The following RPN2 variants were observed in gnomAD, a reference collection of about 807,000 sequenced individuals.
The protein encoded by RPN2 is dolichyl-diphosphooligosaccharide--protein glycosyltransferase subunit 2.
In RPN2, 29 loss-of-function variants were observed where a neutral mutation model predicts 71.4. The ratio of observed to expected loss-of-function variants is 0.41; its 90% CI spans 0.30 to 0.55. The LOEUF (loss-of-function observed/expected upper bound fraction) is 0.55. Ranked by LOEUF, RPN2 falls within the 20% of genes least tolerant of loss-of-function variation. The probability of loss-of-function intolerance (pLI) is 0.35; values close to 1 mark genes in which losing one functional copy is unlikely to be tolerated. For synonymous variants in RPN2, 308 were observed against 305.0 expected (o/e 1.01, Z -0.10); for missense variants, 726 against 774.1 (o/e 0.94, Z 0.74).
intron 16 of RPN2, among the ~76,000 whole-genome samples, chr20:37,240,211 T>C (rs537655044): frequency 6.6e-6 from 1 of 152,194 alleles, no homozygotes; most frequent in Non-Finnish European, 1.5e-5. Flanking sequence ...GGGCAGACAT[T>C]GATTTGAGCA....
At chr20:37,214,376 C>T (rs1000437805) in intron 9 of RPN2, among the ~76,000 whole-genome samples, 8 of 152,156 alleles carry the variant, frequency 5.3e-5, no homozygotes, top group Non-Finnish European at 1.2e-4. Flanking sequence ...GGTTGAAGAT[C>T]GAAGTAGCTT....
At chr20:37,197,895 T>G (rs1236262198) in intron 2 of RPN2, among the ~76,000 whole-genome samples, 1 of 152,228 alleles carries the variant, frequency 6.6e-6, no homozygotes, top group Non-Finnish European at 1.5e-5. Flanking sequence ...CACCCAGCGT[T>G]AAGCTCATTT....
chr20:37,190,229 C>G (rs1329324700), intron 2 of RPN2, among the ~76,000 whole-genome samples: 1 of 152,128 alleles, frequency 6.6e-6, no homozygotes, highest in Non-Finnish European at 1.5e-5. Flanking sequence ...AACACATACC[C>G]CCAAAGCTAT....
intron 2 of RPN2, among the ~76,000 whole-genome samples, chr20:37,190,082 C>A (rs944555814): frequency 6.6e-6 from 1 of 152,100 alleles, no homozygotes; most frequent in Non-Finnish European, 1.5e-5. Context: ...AAAAGTTTCT[C>A]CTGAAGGTTT....
intron 2 of RPN2, among the ~76,000 whole-genome samples, chr20:37,188,367 A>G (rs192296481): frequency 6.6e-6 from 1 of 151,914 alleles, no homozygotes; most frequent in Non-Finnish European, 1.5e-5. Context: ...GTTGGCCAGG[A>G]TAGTCTCCAT....
intron 2 of RPN2, among the ~76,000 whole-genome samples, chr20:37,187,728 C>T (rs1490844231): frequency 6.6e-6 from 1 of 151,964 alleles, no homozygotes; most frequent in African/African-American, 2.4e-5. Context: ...GTGACCTCTG[C>T]CTCCCGGGTT....
Position 37,179,368 on chromosome 20 carries a change from G to A in RPN2, c.12G>A (p.Pro4=), listed in dbSNP as rs971972758. The A allele has an allele frequency of 9.2e-6, 3 of 324,502 alleles. No homozygotes were observed. Among genetic ancestry groups the A allele is most frequent in the East Asian group, 7.9e-5 (1 of 12,606 alleles). The allele number at this position is 324,502 out of a possible 1,614,324, so 20.1% of individuals were successfully genotyped here. A position where few individuals can be genotyped will look rare whatever the true frequency, so the allele number is the denominator to read the frequency against. The stretch of plus-strand genomic sequence containing the variant: ...ACCTGCTCGGAGGAATGGCGCCGCC[G>A]GGTGAGGAGTTGCGCGTGGCTTTGG... The part of the protein sequence containing the change: MAP[P]GSSTVFLLAL... Residue 4 remains proline (P), a splice_region_variant and synonymous_variant, in exon 1 of 17, where the codon CCG becomes CCA. Coordinates refer to ENST00000237530, the MANE Select transcript of RPN2 (RefSeq NM_002951.5).
At chr20:37,195,637 T>G (rs754547826) in intron 2 of RPN2, among the ~76,000 whole-genome samples, 1 of 152,224 alleles carries the variant, frequency 6.6e-6, no homozygotes, top group Non-Finnish European at 1.5e-5. Flanking sequence ...TTGACACATT[T>G]TAAGTGCTCA....
chr20:37,188,442 C>T (rs529452317), intron 2 of RPN2, among the ~76,000 whole-genome samples: 3 of 151,828 alleles, frequency 2.0e-5, no homozygotes, highest in South Asian at 4.2e-4. Flanking sequence ...TGTGAGCCAC[C>T]GCGCCCGGCC....
intron 2 of RPN2, among the ~76,000 whole-genome samples, chr20:37,184,798 A>G (rs994177580): frequency 2.0e-5 from 3 of 152,212 alleles, no homozygotes; most frequent in Non-Finnish European, 4.4e-5. Context: ...TCTCAAAAAA[A>G]GAAGTTTATT....
chr20:37,233,792 A>T (rs932807627), intron 14 of RPN2, among the ~76,000 whole-genome samples: 2 of 152,212 alleles, frequency 1.3e-5, no homozygotes, highest in Non-Finnish European at 2.9e-5. Context: ...TTTGAGTTAC[A>T]CGAGCCCATT....
intron 6 of RPN2, among the ~76,000 whole-genome samples, 191 bp from the exon 7 acceptor site, chr20:37,207,082 A>C (rs964527993): frequency 1.3e-5 from 2 of 152,284 alleles, no homozygotes; most frequent in Admixed American, 6.5e-5. Context: ...GGAAAAAAAA[A>C]CAACCACATC....
At position 37,225,724 on chromosome 20, in the gene RPN2, C is replaced by T. The variant is rs765302350; in HGVS notation, c.1221C>T (p.Ile407=). 6.8e-6 allele frequency: 11 copies of T among 1,614,016 alleles called. No homozygotes were observed. The highest frequency in any genetic ancestry group is 2.2e-5 in the South Asian group (2 of 91,076). Residue 407 remains isoleucine, a synonymous_variant, in exon 11 of 17, where the codon ATC becomes ATT. Coordinates refer to ENST00000237530, the MANE Select transcript of RPN2 (RefSeq NM_002951.5). ...CAGCCAAAGCCAAGGGCACATTCAT[C>T]GCAGACAGCCACCAGAACTTCGCCT... ...TYPAKAKGTF[I]ADSHQNFALF...
chr20:37,228,798 T>C (rs1459441239), intron 12 of RPN2, 54 bp downstream of exon 12: 3 of 1,566,374 alleles, frequency 1.9e-6, no homozygotes, highest in Non-Finnish European at 2.6e-6. Flanking sequence ...CCCCAGGCAC[T>C]GGTGGCTCTT....
At chr20:37,211,860 C>T (rs2067679002) in intron 8 of RPN2, among the ~76,000 whole-genome samples, 1 of 152,014 alleles carries the variant, frequency 6.6e-6, no homozygotes, top group African/African-American at 2.4e-5. Context: ...GCCCCAGCCT[C>T]CTAAGTAGCT....
intron 9 of RPN2, among the ~76,000 whole-genome samples, chr20:37,221,019 C>T (rs1196685993): frequency 2.6e-5 from 4 of 152,168 alleles, no homozygotes; most frequent in Non-Finnish European, 5.9e-5. Context: ...CATGTATCTG[C>T]ATTGTCTGGG....
intron 3 of RPN2, 66 bp downstream of exon 3, chr20:37,198,558 G>A (rs1047241608): frequency 6.2e-7 from 1 of 1,610,828 alleles, no homozygotes. Context: ...AAGGGGAGGA[G>A]TCATGTCAAA....
At chr20:37,208,009 C>A (rs2067556767) in intron 7 of RPN2, among the ~76,000 whole-genome samples, 1 of 152,080 alleles carries the variant, frequency 6.6e-6, no homozygotes, top group South Asian at 2.1e-4. Flanking sequence ...CTGTGGCTCA[C>A]GCCTGTAATC....
chr20:37,179,497 T>C, intron 1 of RPN2, 128 bp downstream of exon 1: 1 of 1,304,284 alleles, frequency 7.7e-7, no homozygotes, highest in South Asian at 1.8e-5. Flanking sequence ...AAGCTCTGGC[T>C]GGGGCGCTCT....
Sources: gnomAD v4.1 joint callset for allele counts (sites outside exome capture counted in the v4.1 genomes callset) on GRCh38, gnomAD v4.1.1 for gene constraint, MANE v1.5 for transcripts, NCBI Gene and HGNC (gene_info 2026-07-23, HGNC 2026-07-21) for gene names.